The following CLCA1 variants were observed in gnomAD, a reference collection of about 807,000 sequenced individuals.
CLCA1 encodes the protein chloride channel accessory 1.
In CLCA1, 59 loss-of-function variants were observed where a neutral mutation model predicts 85.6. The ratio of observed to expected loss-of-function variants is 0.69; its 90% CI spans 0.56 to 0.86. The LOEUF (loss-of-function observed/expected upper bound fraction) is 0.86. Among genes scored for constraint, CLCA1 ranks in the 40% least tolerant of loss-of-function variants. The pLI is 0.00. For missense variants in CLCA1, 1,022 were observed against 1,101.4 expected, an observed-to-expected ratio of 0.93 and a Z score of 1.02; for synonymous variants, 396 against 398.3, an observed-to-expected ratio of 0.99 and a Z score of 0.07.
intron 4 of CLCA1, among the ~76,000 whole-genome samples, chr1:86,481,701 AG>A (rs1010732586): frequency 1.6e-4 from 25 of 152,198 alleles, no homozygotes; most frequent in African/African-American, 6.0e-4. Context: ...AATAAGGTGT[AG>A]GGGGAAAGCA....
At chr1:86,476,574 C>T (rs1282026239) in intron 4 of CLCA1, 21 bp downstream of exon 4, 2 of 1,247,324 alleles carry the variant, frequency 1.6e-6, no homozygotes, top group South Asian at 2.5e-5. Flanking sequence ...TTTGATTTAA[C>T]TTGTTCCAAA....
chr1:86,490,112 T>C (rs5744382), intron 8 of CLCA1, among the ~76,000 whole-genome samples: 238 of 152,192 alleles, frequency 1.6e-3, no homozygotes, highest in Non-Finnish European at 2.8e-3. Flanking sequence ...GACAGGAGGG[T>C]GGCCTTTTGC....
Position 86,500,017 on chromosome 1 carries a change from T to C in CLCA1, c.2717T>C (p.Ile906Thr). The change falls in exon 14 of 14, where the codon ATA becomes ACA. Residue 906 changes from isoleucine to threonine, a missense_variant. Physicochemically the swap from Ile to Thr is moderately conservative, Grantham distance 89 (BLOSUM62 -1). Coordinates refer to ENST00000394711, the MANE Select transcript of CLCA1 (RefSeq NM_001285.4). ...IHILKIMWKW[I>T]GELQLSIA ...ATTTTAAAAATTATGTGGAAGTGGA[T>C]AGGAGAACTGCAGCTGTCAATAGCC... The C allele has an allele frequency of 6.2e-7, 1 of 1,611,828 alleles. No individual in the cohort carries two copies. Among genetic ancestry groups the C allele is most frequent in the Non-Finnish European group, 8.5e-7 (1 of 1,177,970 alleles).
chr1:86,495,613 C>A lies in CLCA1; in HGVS notation c.2051C>A (p.Ala684Asp), dbSNP rs146031171. 20 of 1,614,090 alleles carry A rather than the reference C, an allele frequency of 1.2e-5. No individual in the cohort carries two copies. In the African/African-American group the frequency reaches 2.7e-4, roughly 22 times the overall value. Residue 684 changes from alanine (A) to aspartate (D), a missense_variant, in exon 12 of 14, where the codon GCC becomes GAC. Transcript: ENST00000394711. Reference protein sequence around the residue: ...KVRALGGVNAARRRVIPQQSG... With the variant: ...KVRALGGVNADRRRVIPQQSG... ...CGGGCTCTGGGAGGAGTTAACGCAGCCAGACGGAGAGTGATACCCCAGCAG... is the reference window on the plus strand; with the variant it reads ...CGGGCTCTGGGAGGAGTTAACGCAGACAGACGGAGAGTGATACCCCAGCAG...
At chr1:86,483,948 A>AG (rs1391599917) in intron 5 of CLCA1, among the ~76,000 whole-genome samples, 1 of 152,208 alleles carries the variant, frequency 6.6e-6, no homozygotes, top group East Asian at 1.9e-4. Context: ...TCATGGTGGA[A>AG]GGCGAAGGAG....
At chr1:86,482,414 A>T (rs1402960077) in intron 5 of CLCA1, 32 bp downstream of exon 5, 2 of 1,587,362 alleles carry the variant, frequency 1.3e-6, no homozygotes, top group Middle Eastern at 1.7e-4. Flanking sequence ...CCTCCCCCAG[A>T]TTCTTATGAA....
Position 86,473,723 on chromosome 1 carries a change from T to C in CLCA1, c.304-6T>C, listed in dbSNP as rs778795074. On this transcript the variant is annotated splice_region_variant and splice_polypyrimidine_tract_variant and intron_variant, in intron 2 of 13. Coordinates refer to ENST00000394711, the MANE Select transcript of CLCA1 (RefSeq NM_001285.4). The stretch of plus-strand genomic sequence containing the variant: ...GTGATGATAGAAACTTTTTCTTAAA[T>C]TTCAGGCTGATGTTCTGGTTGCTGA... 1.3e-6 allele frequency: 2 copies of C among 1,565,406 alleles called. No homozygotes were observed. The highest frequency in any genetic ancestry group is 2.4e-5 in the South Asian group (2 of 84,236).
intron 1 of CLCA1, 135 bp downstream of exon 1, chr1:86,469,268 A>G (rs180988896): frequency 1.3e-5 from 8 of 594,662 alleles, no homozygotes; most frequent in African/African-American, 1.9e-5. Context: ...TTCATCTGTA[A>G]AATGGAAATA....
In CLCA1 at chr1:86,476,454, C is replaced by A. The variant is rs745859335; in HGVS notation, c.458C>A (p.Ala153Glu). 1 of 1,554,950 alleles carries A rather than the reference C, an allele frequency of 6.4e-7. No individual in the cohort carries two copies. Among genetic ancestry groups the A allele is most frequent in the Non-Finnish European group, 8.9e-7 (1 of 1,128,368 alleles). ...KLAEYGPQGR[A>E]FVHEWAHLRW... The stretch of plus-strand genomic sequence containing the variant: ...TTAAAATACTTTCTCACAGGTAGGG[C>A]ATTTGTCCATGAGTGGGCTCATCTA... Residue 153 changes from alanine (A) to glutamate (E), a missense_variant, in exon 4 of 14, where the codon GCA becomes GAA. By Grantham distance (107) the Ala-to-Glu change is moderately radical. Coordinates refer to ENST00000394711, the MANE Select transcript of CLCA1 (RefSeq NM_001285.4).
intron 3 of CLCA1, 88 bp downstream of exon 3, chr1:86,473,964 C>T: frequency 1.1e-6 from 1 of 904,982 alleles, no homozygotes; most frequent in South Asian, 3.2e-5. Flanking sequence ...TGTGAGTAAG[C>T]ATGTATAAGC....
rs540905794 is a variant in CLCA1 at position 86,493,597 on chromosome 1, A to C, written c.1678A>C (p.Lys560Gln). 2.5e-6 allele frequency: 4 copies of C among 1,610,558 alleles called. No individual in the cohort carries two copies. Among genetic ancestry groups the C allele is most frequent in the Non-Finnish European group, 3.4e-6 (4 of 1,176,744 alleles). ...MAYLQIPGIA[K>Q]VGTWKYSLQA... The stretch of plus-strand genomic sequence containing the variant: ...CTACCTCCAAATCCCAGGCATTGCT[A>C]AGGTATGGAGTCAGCTTTTTTTCTT... Residue 560 changes from lysine to glutamine, a missense_variant and splice_region_variant, in exon 10 of 14, where the codon AAG (lysine) becomes CAG (glutamine). By Grantham distance (53) the Lys-to-Gln change is moderately conservative. Transcript: ENST00000394711.
chr1:86,488,867 T>C, intron 7 of CLCA1, 129 bp from the exon 8 acceptor site: 2 of 676,256 alleles, frequency 3.0e-6, no homozygotes, highest in South Asian at 1.9e-5. Context: ...CAGACAGATA[T>C]TTGGTCATTC....
At chr1:86,491,244 G>A (rs921201582) in intron 8 of CLCA1, 21 bp from the exon 9 acceptor site, 1 of 1,559,946 alleles carries the variant, frequency 6.4e-7, no homozygotes, top group East Asian at 2.2e-5. Flanking sequence ...AATAATTTCT[G>A]AAAATGTAAT....
intron 1 of CLCA1, among the ~76,000 whole-genome samples, chr1:86,469,947 G>A (rs1647453196): frequency 6.6e-6 from 1 of 152,202 alleles, no homozygotes; most frequent in Non-Finnish European, 1.5e-5. Flanking sequence ...GGGAAGCTGG[G>A]TGGAGTATGT....
At position 86,493,404 on chromosome 1, in the gene CLCA1, C is replaced by A. The variant is rs1383054936; in HGVS notation, c.1485C>A (p.Thr495=). 1.2e-6 allele frequency: 2 copies of A among 1,613,702 alleles called. No individual in the cohort carries two copies. Among genetic ancestry groups the A allele is most frequent in the Non-Finnish European group, 1.7e-6 (2 of 1,179,810 alleles). Residue 495 remains threonine (T), a synonymous_variant, in exon 10 of 14, where the codon ACC becomes ACA. Transcript: ENST00000394711. Reference sequence around the variant, plus strand: ...AACAGCTTGAGAGTAAGGGATTAACCCTCCAGAACAGCCAGTGGATGAATG... The same window carrying A: ...AACAGCTTGAGAGTAAGGGATTAACACTCCAGAACAGCCAGTGGATGAATG... ...RSIQLESKGL[T]LQNSQWMNGT... is the part of the protein sequence containing the mutation.
chr1:86,495,789 G>A, intron 12 of CLCA1, 114 bp downstream of exon 12: 1 of 1,022,826 alleles, frequency 9.8e-7, no homozygotes, highest in Non-Finnish European at 1.4e-6. Context: ...TCTCAACCTT[G>A]GCATTATTAA....
At chr1:86,485,752 T>C (rs1647948548) in intron 6 of CLCA1, among the ~76,000 whole-genome samples, 191 bp downstream of exon 6, 1 of 152,238 alleles carries the variant, frequency 6.6e-6, no homozygotes. Context: ...ATTTGCCAAA[T>C]TGAATTAATT....
At chr1:86,472,501 A>G (rs970353850) in intron 1 of CLCA1, among the ~76,000 whole-genome samples, 1 of 151,946 alleles carries the variant, frequency 6.6e-6, no homozygotes, top group Non-Finnish European at 1.5e-5. Flanking sequence ...TCCTCTGTCT[A>G]TGCTCACTTT....
At chr1:86,481,527 A>T (rs765114085) in intron 4 of CLCA1, among the ~76,000 whole-genome samples, 4 of 152,146 alleles carry the variant, frequency 2.6e-5, no homozygotes, top group Non-Finnish European at 5.9e-5. Flanking sequence ...CTGTGCAGTG[A>T]GTGTTATGTT....
Sources: gnomAD v4.1 joint callset for allele counts (sites outside exome capture counted in the v4.1 genomes callset) on GRCh38, gnomAD v4.1.1 for gene constraint, MANE v1.5 for transcripts, NCBI Gene and HGNC (gene_info 2026-07-23, HGNC 2026-07-21) for gene names.